HMGB1: variants seen among roughly 807,000 people sequenced by gnomAD.
HMGB1 encodes high mobility group box 1, also known as high mobility group protein B1.
For missense variants in HMGB1, 79 were observed against 253.5 expected (o/e 0.31, Z 4.67); for synonymous variants, 81 against 84.0 (o/e 0.96, Z 0.19).
chr13:30,565,520 T>C (rs17074749), intron 1 of HMGB1, among the ~76,000 whole-genome samples: 3,757 of 152,340 alleles, frequency 0.025, 171 homozygotes, highest in African/African-American at 0.085. Flanking sequence ...TTCCTGTCAC[T>C]TCATAATACT....
intron 1 of HMGB1, among the ~76,000 whole-genome samples, chr13:30,599,049 C>T (rs1476680764): frequency 1.3e-5 from 2 of 152,072 alleles, no homozygotes; most frequent in African/African-American, 2.4e-5. Flanking sequence ...TGGGCTCAAG[C>T]AATCCTCCAC....
intron 1 of HMGB1, among the ~76,000 whole-genome samples, chr13:30,602,888 G>A (rs1950417745): frequency 6.6e-6 from 1 of 152,056 alleles, no homozygotes; most frequent in Admixed American, 6.5e-5. Context: ...TCTGCAGCAC[G>A]ACTTCCCCAG....
intron 1 of HMGB1, among the ~76,000 whole-genome samples, chr13:30,505,956 G>A (rs9508767): frequency 0.22 from 33,210 of 151,808 alleles, 3,970 homozygotes; most frequent in South Asian, 0.32. Context: ...AACCCCTGGC[G>A]TCTGGTGATC....
intron 1 of HMGB1, among the ~76,000 whole-genome samples, chr13:30,538,867 C>T (rs1022254726): frequency 4.6e-5 from 7 of 150,782 alleles, no homozygotes; most frequent in Non-Finnish European, 1.0e-4. Context: ...AAAACACCCC[C>T]ATGGACATAA....
intron 1 of HMGB1, among the ~76,000 whole-genome samples, chr13:30,488,663 ATTATTATTATT>A (rs1487578397): frequency 7.3e-6 from 1 of 137,372 alleles, no homozygotes; most frequent in African/African-American, 2.7e-5. Context: ...TATTATTATT[ATTATTATTATT>A]ATTATTATTA....
rs981951397 is a variant in HMGB1, at chr13:30,460,131, G to A, written c.*1226C>T. 2 of 152,462 alleles carry A rather than the reference G, an allele frequency of 1.3e-5. No individual in the cohort carries two copies. Among genetic ancestry groups the A allele is most frequent in the Admixed American group, 6.5e-5 (1 of 15,282 alleles). 9.4% of individuals were successfully genotyped at this position (152,462 alleles called of 1,614,324 possible). ...CTAATGAATGAGTTTGTTTTGTAAA[G>A]AAAAATCATTCAAATAAATTGAATA... On this transcript the variant is annotated 3_prime_UTR_variant, in exon 5 of 5. Coordinates refer to ENST00000341423, the MANE Select transcript of HMGB1 (RefSeq NM_002128.7).
Position 30,556,060 on chromosome 13 carries a change from T to A in HMGB1, c.-15+60611A>T, listed in dbSNP as rs1263969053. Among the ~76,000 whole-genome samples the A allele has an allele frequency of 8.5e-5, 13 of 152,194 alleles. 1 individual carries two copies. The highest frequency in any genetic ancestry group is 8.5e-4 in the Admixed American group (13 of 15,284). ...AGCTTTTGGAAGCTGCTGCCACAAT[T>A]GTCAATAAGCAGGAGATACCAGTAT... On this transcript the variant is annotated intron_variant, in intron 1 of 4. Transcript: ENST00000405805.
At chr13:30,527,517 G>T (rs983601035) in intron 1 of HMGB1, among the ~76,000 whole-genome samples, 1 of 152,068 alleles carries the variant, frequency 6.6e-6, no homozygotes, top group Non-Finnish European at 1.5e-5. Flanking sequence ...CTGTGTCTAT[G>T]CCACCACTTC....
intron 1 of HMGB1, among the ~76,000 whole-genome samples, chr13:30,495,286 T>G (rs1887584106): frequency 6.6e-6 from 1 of 152,210 alleles, no homozygotes; most frequent in South Asian, 2.1e-4. Context: ...GTGTGCAATT[T>G]CAAAGTCAAA....
At chr13:30,608,042 G>C (rs563065035) in intron 1 of HMGB1, among the ~76,000 whole-genome samples, 12 of 152,244 alleles carry the variant, frequency 7.9e-5, no homozygotes, top group African/African-American at 2.9e-4. Flanking sequence ...AGTGACAGTA[G>C]GTCACTTCCG....
chr13:30,464,254 G>T, intron 1 of HMGB1: 2 of 985,558 alleles, frequency 2.0e-6, no homozygotes, highest in African/African-American at 1.7e-5. Context: ...AACCCGGTTG[G>T]GGGGTGGCGG....
At chr13:30,492,239 C>A (rs1234966130) in intron 1 of HMGB1, among the ~76,000 whole-genome samples, 1 of 151,336 alleles carries the variant, frequency 6.6e-6, no homozygotes, top group Non-Finnish European at 1.5e-5. Context: ...CCTGTAATTC[C>A]AGCAGTTTGG....
At chr13:30,463,990 T>A (rs1886533307) in intron 1 of HMGB1, 1 of 508,620 alleles carries the variant, frequency 2.0e-6, no homozygotes, top group Non-Finnish European at 2.6e-6. Flanking sequence ...TGAATGAGTA[T>A]CTAACTGGTC....
At chr13:30,538,720 TTTTCTTTCTTTTTC>T (rs1253742064) in intron 1 of HMGB1, among the ~76,000 whole-genome samples, 2 of 111,108 alleles carry the variant, frequency 1.8e-5, no homozygotes, top group Non-Finnish European at 3.7e-5. Context: ...TCTTTCTTCT[TTTTCTTTCTTTTTC>T]TTTCTTTCTT....
At position 30,592,910 on chromosome 13, in the gene HMGB1, T is replaced by C. The variant is rs962840049; in HGVS notation, c.-15+23761A>G. On this transcript the variant is annotated intron_variant, in intron 1 of 4. Coordinates refer to the HMGB1 transcript ENST00000405805. ...AAGCGAATCCCTGGGACACTTCATA[T>C]AGTGCAAAACAACAATTCAAGAATT... Among the ~76,000 whole-genome samples, 5 of 150,884 alleles carry C rather than the reference T, an allele frequency of 3.3e-5. No homozygotes were observed. The South Asian group carries it at 1.0e-3, about 31-fold the overall frequency.
intron 1 of HMGB1, among the ~76,000 whole-genome samples, chr13:30,550,510 C>T (rs547075635): frequency 1.3e-5 from 2 of 152,256 alleles, no homozygotes; most frequent in South Asian, 2.1e-4. Context: ...TCGTGTTTGT[C>T]GTACTTCCTT....
At chr13:30,507,246 A>G (rs1273270336) in intron 1 of HMGB1, among the ~76,000 whole-genome samples, 1 of 152,164 alleles carries the variant, frequency 6.6e-6, no homozygotes, top group Non-Finnish European at 1.5e-5. Flanking sequence ...CTTCCTGCTC[A>G]TCCCATAAGA....
At chr13:30,574,954 C>A (rs544371962) in intron 1 of HMGB1, among the ~76,000 whole-genome samples, 63 of 152,202 alleles carry the variant, frequency 4.1e-4, no homozygotes, top group African/African-American at 1.5e-3. Flanking sequence ...CATAAAAATT[C>A]TATTAATGGC....
chr13:30,538,243 G>A (rs1420951459), intron 1 of HMGB1, among the ~76,000 whole-genome samples: 1 of 152,214 alleles, frequency 6.6e-6, no homozygotes, highest in Non-Finnish European at 1.5e-5. Flanking sequence ...CCATCCGACT[G>A]ACAGGAATAC....
Sources: allele counts gnomAD v4.1 joint callset (sites outside exome capture counted in the v4.1 genomes callset), GRCh38; gene constraint gnomAD v4.1.1; transcripts MANE v1.5; gene names NCBI Gene and HGNC (gene_info 2026-07-23, HGNC 2026-07-21).